The following MRTFB variants were observed in gnomAD, a reference collection of about 807,000 sequenced individuals.
MRTFB encodes myocardin-related transcription factor B.
A neutral mutation model predicts 104.2 loss-of-function variants in MRTFB; 29 were observed. The ratio of observed to expected loss-of-function variants is 0.28; its 90% CI spans 0.21 to 0.38. MRTFB has a LOEUF of 0.38. Among genes scored for constraint, MRTFB ranks in the 10% least tolerant of loss-of-function variants. The pLI is 1.00. For missense variants in MRTFB, 1,270 were observed against 1,341.6 expected (o/e 0.95, Z 0.83); for synonymous variants, 535 against 519.5 (o/e 1.03, Z -0.41).
chr16:14,259,597 A>G (rs1053566417), intron 16 of MRTFB, among the ~76,000 whole-genome samples: 4 of 152,082 alleles, frequency 2.6e-5, no homozygotes, highest in African/African-American at 9.7e-5. Flanking sequence ...TAAAAATACA[A>G]CAATTAGCTG....
At chr16:14,178,341 A>G (rs2039655384) in intron 3 of MRTFB, among the ~76,000 whole-genome samples, 1 of 152,186 alleles carries the variant, frequency 6.6e-6, no homozygotes, top group South Asian at 2.1e-4. Context: ...ATCTTGAGGA[A>G]AATGAAAATG....
chr16:14,073,073 A>G (rs909240407), intron 1 of MRTFB, among the ~76,000 whole-genome samples: 1 of 152,190 alleles, frequency 6.6e-6, no homozygotes, highest in Non-Finnish European at 1.5e-5. Flanking sequence ...AACGATCGCT[A>G]ATGTTTAGAC....
intron 8 of MRTFB, among the ~76,000 whole-genome samples, chr16:14,233,327 GGA>G (rs1192405784): frequency 6.6e-6 from 1 of 152,180 alleles, no homozygotes; most frequent in African/African-American, 2.4e-5. Context: ...AGTCAGATTT[GGA>G]GAGAGGAACA....
At chr16:14,076,694 A>T (rs2034081113) in intron 1 of MRTFB, among the ~76,000 whole-genome samples, 1 of 152,196 alleles carries the variant, frequency 6.6e-6, no homozygotes, top group African/African-American at 2.4e-5. Context: ...GTCAGTGGGC[A>T]ATGCATTTAT....
chr16:14,096,809 G>A (rs2035401289), intron 2 of MRTFB, among the ~76,000 whole-genome samples: 1 of 152,066 alleles, frequency 6.6e-6, no homozygotes, highest in South Asian at 2.1e-4. Flanking sequence ...AATCATTTTG[G>A]GTCCCTGTTC....
intron 3 of MRTFB, among the ~76,000 whole-genome samples, chr16:14,199,625 C>T (rs928950561): frequency 6.6e-5 from 10 of 152,218 alleles, no homozygotes; most frequent in African/African-American, 2.4e-4. Flanking sequence ...TGTCCACTCC[C>T]TTGCCATACA....
chr16:14,034,480 G>C, the MRTFB span, among the ~76,000 whole-genome samples: 5 of 152,156 alleles, frequency 3.3e-5, no homozygotes, highest in East Asian at 7.7e-4. Flanking sequence ...CAGGCGTGGT[G>C]GTGGGCACCT....
intron 16 of MRTFB, among the ~76,000 whole-genome samples, chr16:14,260,070 G>A (rs543388180): frequency 1.4e-4 from 21 of 152,096 alleles, no homozygotes; most frequent in South Asian, 4.1e-4. Flanking sequence ...TTTAGTGAAC[G>A]CCAGTATTTA....
intron 3 of MRTFB, among the ~76,000 whole-genome samples, chr16:14,198,770 T>C (rs778383017): frequency 6.6e-6 from 1 of 152,250 alleles, no homozygotes; most frequent in Admixed American, 6.5e-5. Context: ...GCTGTAAAGC[T>C]TCTTGCAGCA....
intron 1 of MRTFB, among the ~76,000 whole-genome samples, chr16:14,072,407 A>G (rs1567288973): frequency 6.6e-6 from 1 of 152,174 alleles, no homozygotes; most frequent in Non-Finnish European, 1.5e-5. Flanking sequence ...GACAGTATAT[A>G]CTGGGGTGCT....
chr16:14,091,267 G>A (rs1293685052), intron 2 of MRTFB, among the ~76,000 whole-genome samples: 1 of 152,178 alleles, frequency 6.6e-6, no homozygotes, highest in Non-Finnish European at 1.5e-5. Flanking sequence ...AGGACTCTTG[G>A]CTGCAAGTTA....
intron 2 of MRTFB, among the ~76,000 whole-genome samples, chr16:14,106,687 C>G (rs1254814674): frequency 6.6e-6 from 1 of 152,132 alleles, no homozygotes; most frequent in African/African-American, 2.4e-5. Flanking sequence ...ATTTTGAAGG[C>G]TTTTGTAAGA....
chr16:14,162,660 A>G (rs1429031923), intron 3 of MRTFB, among the ~76,000 whole-genome samples: 2 of 152,228 alleles, frequency 1.3e-5, no homozygotes, highest in East Asian at 3.8e-4. Context: ...CCATTTTCAC[A>G]AAGTACAAAA....
chr16:14,076,299 C>A (rs529903893), intron 1 of MRTFB, among the ~76,000 whole-genome samples: 1 of 152,108 alleles, frequency 6.6e-6, no homozygotes, highest in African/African-American at 2.4e-5. Flanking sequence ...TCAAGCGATT[C>A]TCCTGCCTCA....
chr16:14,247,597 T>C, intron 12 of MRTFB, 90 bp downstream of exon 12: 9 of 1,229,998 alleles, frequency 7.3e-6, no homozygotes, highest in Non-Finnish European at 7.8e-6. Flanking sequence ...AGCTCTTCCA[T>C]AAATGCGTCC....
At chr16:14,067,443 G>A (rs536321780), upstream of MRTFB, among the ~76,000 whole-genome samples, 15 of 151,876 alleles carry the variant, frequency 9.9e-5, no homozygotes, top group African/African-American at 2.9e-4. Flanking sequence ...GGCTGGTCTT[G>A]AACTCCTGAC....
chr16:14,135,271 C>T (rs1188449895), intron 2 of MRTFB, among the ~76,000 whole-genome samples: 1 of 152,192 alleles, frequency 6.6e-6, no homozygotes, highest in East Asian at 1.9e-4. Flanking sequence ...GCAAATGGGC[C>T]ATCCTCAAGC....
At chr16:14,173,433 TATC>T (rs980616063) in intron 3 of MRTFB, among the ~76,000 whole-genome samples, 107 of 152,236 alleles carry the variant, frequency 7.0e-4, no homozygotes, top group African/African-American at 2.5e-3. Flanking sequence ...TAAGAGTTTT[TATC>T]ATCTTTATTT....
chr16:14,221,981 A>G (rs1357277255), intron 8 of MRTFB, among the ~76,000 whole-genome samples: 1 of 151,920 alleles, frequency 6.6e-6, no homozygotes, highest in African/African-American at 2.4e-5. Flanking sequence ...GGGCTTCACC[A>G]TGTTGGCCAT....
Sources: allele counts gnomAD v4.1 joint callset (sites outside exome capture counted in the v4.1 genomes callset), GRCh38; gene constraint gnomAD v4.1.1; transcripts MANE v1.5; gene names NCBI Gene and HGNC (gene_info 2026-07-23, HGNC 2026-07-21).